Variants in AOPEP observed in about 807,000 individuals in gnomAD.
AOPEP encodes the protein aminopeptidase O.
In AOPEP, 77 loss-of-function variants were observed where a neutral mutation model predicts 98.1. The ratio of observed to expected loss-of-function variants is 0.78; its 90% CI spans 0.65 to 0.95. The LOEUF is 0.95. AOPEP is among the 40% of genes least tolerant of loss of function. AOPEP has a pLI of 0.00. For missense variants in AOPEP, 1,024 were observed against 1,024.7 expected (o/e 1.00, Z 0.01); for synonymous variants, 346 against 365.3 (o/e 0.95, Z 0.60).
intron 13 of AOPEP, among the ~76,000 whole-genome samples, chr9:95,024,606 C>T (rs1315354654): frequency 6.6e-6 from 1 of 152,212 alleles, no homozygotes; most frequent in Non-Finnish European, 1.5e-5. Context: ...GCGTGTGGCC[C>T]CACGTTCCAT....
intron 1 of AOPEP, among the ~76,000 whole-genome samples, chr9:94,735,214 C>G (rs374066480): frequency 6.6e-6 from 1 of 152,120 alleles, no homozygotes; most frequent in East Asian, 1.9e-4. Flanking sequence ...CTTGCATGTC[C>G]AAGAATCTGC....
At chr9:94,882,124 A>T (rs2047659537) in intron 5 of AOPEP, among the ~76,000 whole-genome samples, 1 of 152,184 alleles carries the variant, frequency 6.6e-6, no homozygotes, top group African/African-American at 2.4e-5. Context: ...GGCCTGGCTG[A>T]TCACAAGCTC....
intron 16 of AOPEP, chr9:95,083,077 A>G: frequency 4.4e-6 from 1 of 225,320 alleles, no homozygotes. Flanking sequence ...GAAGCCTGGC[A>G]GAAGCGCTGG....
At chr9:95,120,717 C>T in the AOPEP span, among the ~76,000 whole-genome samples, 15 of 152,282 alleles carry the variant, frequency 9.9e-5, no homozygotes, top group African/African-American at 1.9e-4. Context: ...CATGAGCCGC[C>T]GTGCCCAGCC....
intron 14 of AOPEP, among the ~76,000 whole-genome samples, chr9:95,062,454 G>T (rs2067406152): frequency 6.6e-6 from 1 of 152,210 alleles, no homozygotes; most frequent in South Asian, 2.1e-4. Context: ...GTGCACTGAG[G>T]AGTTTTGTTG....
the AOPEP span, among the ~76,000 whole-genome samples, chr9:95,092,663 T>TG: frequency 1.3e-5 from 2 of 152,222 alleles, no homozygotes; most frequent in African/African-American, 4.8e-5. Context: ...GAGGTGCTTT[T>TG]GCCAGCGGGG....
intron 5 of AOPEP, among the ~76,000 whole-genome samples, chr9:94,879,608 C>T (rs948924105): frequency 3.9e-5 from 6 of 152,188 alleles, no homozygotes; most frequent in African/African-American, 1.4e-4. Context: ...TGGCACAGCA[C>T]CAGCTTTTCT....
chr9:95,034,610 G>A (rs2064614646), intron 13 of AOPEP, among the ~76,000 whole-genome samples: 1 of 152,226 alleles, frequency 6.6e-6, no homozygotes, highest in Admixed American at 6.5e-5. Context: ...ACACACAGTG[G>A]CCTGCGAGGC....
intron 14 of AOPEP, among the ~76,000 whole-genome samples, chr9:95,067,229 C>T (rs1230070420): frequency 6.6e-6 from 1 of 152,162 alleles, no homozygotes; most frequent in African/African-American, 2.4e-5. Context: ...AGCTTTACCC[C>T]TTGTGTTCAG....
the AOPEP span, among the ~76,000 whole-genome samples, chr9:95,129,938 C>T: frequency 1.3e-5 from 2 of 152,278 alleles, no homozygotes; most frequent in African/African-American, 4.8e-5. Context: ...CTCATGGCTA[C>T]CCAGAATTGC....
At chr9:94,899,875 C>G (rs562697854) in intron 5 of AOPEP, among the ~76,000 whole-genome samples, 5 of 152,200 alleles carry the variant, frequency 3.3e-5, no homozygotes, top group Non-Finnish European at 7.3e-5. Context: ...TCCCAACTTA[C>G]TGTCTCTATA....
chr9:94,852,448 G>A (rs899063827), intron 5 of AOPEP, among the ~76,000 whole-genome samples: 1 of 152,212 alleles, frequency 6.6e-6, no homozygotes, highest in African/African-American at 2.4e-5. Context: ...GTGGCTGGGA[G>A]TTGGACATAG....
intron 5 of AOPEP, among the ~76,000 whole-genome samples, chr9:94,843,730 T>C (rs1588500379): frequency 6.6e-6 from 1 of 152,242 alleles, no homozygotes; most frequent in African/African-American, 2.4e-5. Flanking sequence ...ATTTTGCCTC[T>C]TGAATACCCC....
the AOPEP span, among the ~76,000 whole-genome samples, chr9:95,097,654 T>A: frequency 6.6e-6 from 1 of 152,230 alleles, no homozygotes; most frequent in Non-Finnish European, 1.5e-5. Flanking sequence ...TTTCTGTTGC[T>A]TGCAACCAAA....
intron 14 of AOPEP, 37 bp downstream of exon 14, chr9:95,060,847 C>G: frequency 5.4e-6 from 7 of 1,303,730 alleles, no homozygotes; most frequent in Non-Finnish European, 5.6e-6. Flanking sequence ...ACCAGCAGGT[C>G]CCCACTGTTG....
intron 5 of AOPEP, among the ~76,000 whole-genome samples, chr9:94,844,935 GA>G (rs967111036): frequency 2.6e-5 from 4 of 151,552 alleles, no homozygotes; most frequent in African/African-American, 9.7e-5. Flanking sequence ...GACCATTTCA[GA>G]AAAAAAAGAT....
chr9:95,086,446 A>G (rs2070710935), intron 16 of AOPEP: 1 of 985,212 alleles, frequency 1.0e-6, no homozygotes, highest in South Asian at 4.7e-5. Flanking sequence ...CCTAGCAGCT[A>G]TTGTGTACGC....
chr9:94,864,542 A>C (rs963689893), intron 5 of AOPEP, among the ~76,000 whole-genome samples: 1 of 152,168 alleles, frequency 6.6e-6, no homozygotes, highest in Non-Finnish European at 1.5e-5. Context: ...TAAAAAGTTT[A>C]TATCTGGGTA....
chr9:94,735,221 CTG>C (rs758648372), intron 1 of AOPEP, among the ~76,000 whole-genome samples: 1 of 152,148 alleles, frequency 6.6e-6, no homozygotes, highest in African/African-American at 2.4e-5. Context: ...GTCCAAGAAT[CTG>C]CATTTTTTCT....
Sources: gnomAD v4.1 joint callset for allele counts (sites outside exome capture counted in the v4.1 genomes callset) on GRCh38, gnomAD v4.1.1 for gene constraint, MANE v1.5 for transcripts, NCBI Gene and HGNC (gene_info 2026-07-23, HGNC 2026-07-21) for gene names.